The following SNX29 variants were observed in gnomAD, a reference collection of about 807,000 sequenced individuals.
SNX29 encodes the protein sorting nexin 29, also known as sorting nexin-29.
Under a neutral mutation model 102.1 loss-of-function variants are expected in SNX29, and 78 were observed. The ratio of observed to expected loss-of-function variants is 0.76; its 90% confidence interval spans 0.64 to 0.92. SNX29 has a LOEUF of 0.92. SNX29 is among the 40% of genes least tolerant of loss of function. The pLI, the probability that SNX29 is intolerant of heterozygous loss-of-function variation, is 0.00. For synonymous variants in SNX29, 580 were observed against 414.5 expected (o/e 1.40, Z -4.85); for missense variants, 1,280 against 1,061.7 (o/e 1.21, Z -2.86).
At chr16:12,291,484 C>T (rs1035283003) in intron 15 of SNX29, among the ~76,000 whole-genome samples, 1 of 152,154 alleles carries the variant, frequency 6.6e-6, no homozygotes, top group Non-Finnish European at 1.5e-5. Context: ...ATTGTGGGAG[C>T]TACAATTCAA....
At chr16:12,538,616 C>G (rs373980594) in intron 20 of SNX29, among the ~76,000 whole-genome samples, 19 of 152,194 alleles carry the variant, frequency 1.2e-4, no homozygotes, top group East Asian at 7.7e-4. Flanking sequence ...GCAGGAGGGC[C>G]TTGACTAGGA....
chr16:11,996,087 C>T (rs2056062060), intron 1 of SNX29, among the ~76,000 whole-genome samples: 1 of 151,734 alleles, frequency 6.6e-6, no homozygotes, highest in African/African-American at 2.4e-5. Context: ...AGTTAGGCCC[C>T]ATCCTCAACC....
intron 5 of SNX29, among the ~76,000 whole-genome samples, chr16:12,045,647 T>TATTATTATTATTATTATTA (rs55665160): frequency 2.1e-5 from 3 of 144,398 alleles, no homozygotes; most frequent in Non-Finnish European, 3.0e-5. Context: ...TTATTATTAT[T>TATTATTATTATTATTATTA]TTGAGGTGGA....
chr16:12,542,143 C>T (rs149709927), intron 20 of SNX29, among the ~76,000 whole-genome samples: 246 of 152,276 alleles, frequency 1.6e-3, no homozygotes, highest in African/African-American at 5.5e-3. Flanking sequence ...ATTCAGCCCA[C>T]GCTACCTGGG....
chr16:12,303,617 T>C (rs1199298611), intron 15 of SNX29, among the ~76,000 whole-genome samples: 1 of 152,200 alleles, frequency 6.6e-6, no homozygotes, highest in Non-Finnish European at 1.5e-5. Flanking sequence ...GTTGTGATCA[T>C]GGGAGAGGGC....
chr16:12,477,432 A>C (rs531275864), intron 18 of SNX29, among the ~76,000 whole-genome samples: 2 of 152,364 alleles, frequency 1.3e-5, no homozygotes, highest in African/African-American at 2.4e-5. Context: ...GCAACATGAA[A>C]CATGCATCTC....
intron 13 of SNX29, among the ~76,000 whole-genome samples, chr16:12,190,984 A>G (rs191730769): frequency 5.4e-4 from 82 of 152,254 alleles, no homozygotes; most frequent in African/African-American, 1.8e-3. Flanking sequence ...TTTCACAAAG[A>G]TGGTGTAGAG....
At chr16:12,099,895 C>T (rs964777709) in intron 11 of SNX29, among the ~76,000 whole-genome samples, 1 of 152,148 alleles carries the variant, frequency 6.6e-6, no homozygotes, top group Non-Finnish European at 1.5e-5. Flanking sequence ...CTCCTGTGAG[C>T]GCTAGGCATG....
At chr16:12,440,423 G>A (rs1481615377) in intron 18 of SNX29, among the ~76,000 whole-genome samples, 1 of 152,152 alleles carries the variant, frequency 6.6e-6, no homozygotes, top group Non-Finnish European at 1.5e-5. Context: ...TTGGAAGCCA[G>A]TAATCGACTT....
chr16:12,350,642 C>T (rs552590627), intron 15 of SNX29, among the ~76,000 whole-genome samples: 20 of 152,252 alleles, frequency 1.3e-4, no homozygotes, highest in African/African-American at 4.1e-4. Context: ...GCAACGTCCC[C>T]GTTTTACAAA....
chr16:12,133,075 G>A (rs2054527332), intron 13 of SNX29, among the ~76,000 whole-genome samples: 1 of 152,140 alleles, frequency 6.6e-6, no homozygotes, highest in African/African-American at 2.4e-5. Context: ...AGGCTGGAAG[G>A]TGAGGCTCAT....
rs554253138 is a variant in SNX29 at position 12,485,737 on chromosome 16, A to G, written c.2178+7878A>G. ...TAAGGTTCGGTCTCTGTCCTTAAGA[A>G]GCTGGCAGTCTTGTAGGGAGGATGA... On this transcript the variant is annotated intron_variant, in intron 19 of 20. Coordinates refer to ENST00000566228, the MANE Select transcript of SNX29 (RefSeq NM_032167.5). Among the ~76,000 whole-genome samples the G allele has an allele frequency of 4.6e-5, 7 of 152,324 alleles. No individual in the cohort carries two copies. In the East Asian group the frequency reaches 1.4e-3, roughly 29 times the overall value.
At chr16:12,037,330 T>C (rs549207141) in intron 4 of SNX29, among the ~76,000 whole-genome samples, 14 of 152,254 alleles carry the variant, frequency 9.2e-5, no homozygotes, top group African/African-American at 3.1e-4. Context: ...CCTCAGCTCC[T>C]GGAGGAGACA....
In SNX29 at chr16:12,556,039, G is replaced by C. The variant is rs151213042; in HGVS notation, c.2319-12467G>C. Among the ~76,000 whole-genome samples the C allele has an allele frequency of 1.4e-4, 22 of 152,238 alleles. No homozygotes were observed. In the East Asian group the frequency reaches 4.3e-3, roughly 29 times the overall value. On this transcript the variant is annotated intron_variant, in intron 20 of 20. Transcript: ENST00000566228. ...ACTCATGCCATGCCACCGTAGTGCT[G>C]AGTGACGCTTAAAGGGTGCTTTTCT...
chr16:12,043,251 T>C (rs534752643), intron 5 of SNX29, among the ~76,000 whole-genome samples, 174 bp downstream of exon 5: 10 of 152,118 alleles, frequency 6.6e-5, no homozygotes, highest in South Asian at 2.1e-4. Flanking sequence ...GGGAGAATCA[T>C]TGAGAGACTG....
At chr16:12,156,513 C>T (rs924100329) in intron 13 of SNX29, among the ~76,000 whole-genome samples, 1 of 152,194 alleles carries the variant, frequency 6.6e-6, no homozygotes, top group African/African-American at 2.4e-5. Context: ...CCTGGGTTTC[C>T]CTCCTTGCCT....
Position 12,244,609 on chromosome 16 carries a change from GA to G in SNX29, c.1679-33312del, listed in dbSNP as rs558515301. 7.0e-3 allele frequency among the ~76,000 whole-genome samples: 1,006 copies of G among 143,900 alleles called. 8 individuals are homozygous for G. Among genetic ancestry groups the G allele is most frequent in the African/African-American group, 0.022 (873 of 39,538 alleles). 94.4% of individuals were successfully genotyped at this position (143,900 alleles called of 152,430 possible). ...TAGGTGACAGAGACTCCATCTCAAA[GA>G]AAAAAAAAAAATCATCCAAATCACC... On this transcript the variant is annotated intron_variant, in intron 14 of 20. Transcript: ENST00000566228.
At chr16:12,307,211 C>G (rs896770624) in intron 15 of SNX29, among the ~76,000 whole-genome samples, 1 of 152,170 alleles carries the variant, frequency 6.6e-6, no homozygotes, top group Admixed American at 6.5e-5. Context: ...CTCTTAACCA[C>G]TCTTGGTCTA....
chr16:12,527,766 A>C lies in SNX29; in HGVS notation c.2318+2925A>C, dbSNP rs148334768. 5.9e-3 allele frequency among the ~76,000 whole-genome samples: 897 copies of C among 151,672 alleles called. 10 individuals carry two copies. Among genetic ancestry groups the C allele is most frequent in the African/African-American group, 0.02 (842 of 41,274 alleles). ...CCTGTGGACTGAGCCTGATTCTCCAACTTATTTTATTTAGCCAGTATAGTG... is the reference window on the plus strand; with the variant it reads ...CCTGTGGACTGAGCCTGATTCTCCACCTTATTTTATTTAGCCAGTATAGTG... On this transcript the variant is annotated intron_variant, in intron 20 of 20. Transcript: ENST00000566228.
Sources: allele counts gnomAD v4.1 joint callset (sites outside exome capture counted in the v4.1 genomes callset), GRCh38; gene constraint gnomAD v4.1.1; transcripts MANE v1.5; gene names NCBI Gene and HGNC (gene_info 2026-07-23, HGNC 2026-07-21).